Variants in ZC3H12B observed in about 807,000 individuals in gnomAD.
ZC3H12B encodes the protein probable ribonuclease ZC3H12B.
In ZC3H12B, 7 loss-of-function variants were observed where a neutral mutation model predicts 43.9. The observed-to-expected ratio is 0.16, with a 90% CI of 0.09 to 0.30. The LOEUF (loss-of-function observed/expected upper bound fraction) is 0.30, where lower values mean the gene tolerates loss of function less well. ZC3H12B is among the 10% of genes least tolerant of loss of function. ZC3H12B has a pLI of 1.00. For synonymous variants in ZC3H12B, 222 were observed against 241.7 expected (o/e 0.92, Z 0.76); for missense variants, 475 against 670.2 (o/e 0.71, Z 3.22).
the ZC3H12B span, among the ~76,000 whole-genome samples, chrX:65,240,324 T>C: frequency 3.8e-4 from 43 of 112,057 alleles, no homozygotes; most frequent in African/African-American, 1.3e-3. Context: ...AAAGATAGTC[T>C]TCAAGCTCTG....
At chrX:65,047,083 A>C in the ZC3H12B span, among the ~76,000 whole-genome samples, 1 of 111,446 alleles carries the variant, frequency 9.0e-6, no homozygotes, top group Admixed American at 9.6e-5. Flanking sequence ...AAAAGTTTGA[A>C]ATATTATGAG....
At chrX:65,318,208 T>C in the ZC3H12B span, among the ~76,000 whole-genome samples, 1 of 108,702 alleles carries the variant, frequency 9.2e-6, no homozygotes, top group Non-Finnish European at 1.9e-5. Context: ...ATGTTTTGAT[T>C]ATGGCCATTC....
chrX:65,337,026 G>A, the ZC3H12B span, among the ~76,000 whole-genome samples: 1 of 112,295 alleles, frequency 8.9e-6, no homozygotes, highest in African/African-American at 3.2e-5. Flanking sequence ...GGACTATAAT[G>A]TTCCTAAGTT....
chrX:65,263,316 A>G, the ZC3H12B span, among the ~76,000 whole-genome samples: 1 of 110,996 alleles, frequency 9.0e-6, no homozygotes, highest in Admixed American at 9.6e-5. Flanking sequence ...CTGCTTTGGG[A>G]TCATAAAAGA....
the ZC3H12B span, among the ~76,000 whole-genome samples, chrX:65,317,629 G>C: frequency 1.8e-5 from 2 of 108,810 alleles, no homozygotes; most frequent in Admixed American, 2.0e-4. Flanking sequence ...AACATACGAT[G>C]TTTGGGTTTC....
chrX:65,284,251 C>CACAA, the ZC3H12B span, among the ~76,000 whole-genome samples: 1 of 67,954 alleles, frequency 1.5e-5, no homozygotes, highest in African/African-American at 4.9e-5. Context: ...CACACACACA[C>CACAA]AAAAAAAAAA....
the ZC3H12B span, among the ~76,000 whole-genome samples, chrX:65,078,542 C>T: frequency 8.1e-5 from 9 of 111,586 alleles, no homozygotes; most frequent in Admixed American, 4.7e-4. Context: ...TGTTGCTGAG[C>T]GATCAAGCTA....
chrX:65,475,552 A>T (rs751524290), intron 3 of ZC3H12B, among the ~76,000 whole-genome samples: 94 of 111,250 alleles, frequency 8.4e-4, no homozygotes, highest in African/African-American at 2.9e-3. Flanking sequence ...ACATGCAAAG[A>T]TTCACTTTTT....
the ZC3H12B span, among the ~76,000 whole-genome samples, chrX:65,186,742 T>A: frequency 9.0e-6 from 1 of 111,016 alleles, no homozygotes; most frequent in Non-Finnish European, 1.9e-5. Flanking sequence ...TGCCTTTGCG[T>A]CCTCATAGCT....
At chrX:65,502,873 A>G in exon 5 of ZC3H12B, 2 of 1,211,591 alleles carry the variant, frequency 1.7e-6, no homozygotes, top group Non-Finnish European at 2.2e-6. Flanking sequence ...TGTGCCGGGA[A>G]CAGCATGCCA....
the ZC3H12B span, among the ~76,000 whole-genome samples, chrX:65,358,652 C>T: frequency 3.6e-5 from 4 of 110,741 alleles, no homozygotes; most frequent in African/African-American, 1.3e-4. Flanking sequence ...AAGGAAAAAA[C>T]GTACCAGAAT....
At chrX:65,088,079 TA>T in the ZC3H12B span, among the ~76,000 whole-genome samples, 3 of 111,950 alleles carry the variant, frequency 2.7e-5, no homozygotes, top group African/African-American at 9.8e-5. Flanking sequence ...ATACAGTCTG[TA>T]GCCTCCAGAT....
the ZC3H12B span, among the ~76,000 whole-genome samples, chrX:65,215,212 A>G: frequency 8.9e-6 from 1 of 111,944 alleles, no homozygotes; most frequent in African/African-American, 3.2e-5. Context: ...CCTTAAAGTC[A>G]TCAACTGCAT....
At chrX:65,367,650 T>G (rs2066190895) in intron 1 of ZC3H12B, among the ~76,000 whole-genome samples, 1 of 111,625 alleles carries the variant, frequency 9.0e-6, no homozygotes, top group Non-Finnish European at 1.9e-5. Flanking sequence ...TCCAAGGCAT[T>G]CTTAATTTCA....
At chrX:65,186,363 G>A in the ZC3H12B span, 1 of 108,100 alleles carries the variant, frequency 9.3e-6, no homozygotes, top group Non-Finnish European at 1.9e-5. Context: ...ATGGTGGAGG[G>A]CGCCTGTAAT....
At chrX:65,194,814 C>A in the ZC3H12B span, among the ~76,000 whole-genome samples, 1 of 112,050 alleles carries the variant, frequency 8.9e-6, no homozygotes, top group Non-Finnish European at 1.9e-5. Context: ...CACTTTAGCC[C>A]TAATAATTTA....
chrX:65,323,786 T>G, the ZC3H12B span, among the ~76,000 whole-genome samples: 1 of 112,030 alleles, frequency 8.9e-6, no homozygotes, highest in Non-Finnish European at 1.9e-5. Context: ...TCCACAATGG[T>G]TGAACTAATT....
the ZC3H12B span, among the ~76,000 whole-genome samples, chrX:65,126,183 A>T: frequency 5.4e-5 from 6 of 110,114 alleles, no homozygotes; most frequent in African/African-American, 2.0e-4. Context: ...CTGGCTTGGT[A>T]GTGGCATATT....
intron 2 of ZC3H12B, among the ~76,000 whole-genome samples, chrX:65,379,068 C>T (rs1329696781): frequency 8.9e-6 from 1 of 112,184 alleles, no homozygotes; most frequent in African/African-American, 3.2e-5. Flanking sequence ...CTTAGGTAAA[C>T]AAAGCAGCCG....
Sources: gnomAD v4.1 joint callset for allele counts (sites outside exome capture counted in the v4.1 genomes callset) on GRCh38, gnomAD v4.1.1 for gene constraint, MANE v1.5 for transcripts, NCBI Gene and HGNC (gene_info 2026-07-23, HGNC 2026-07-21) for gene names.